Variants in SPDL1 observed in about 807,000 individuals in gnomAD.
The protein encoded by SPDL1 is spindle apparatus coiled-coil protein 1, also known as protein Spindly.
In SPDL1, 85 loss-of-function variants were observed where a neutral mutation model predicts 79.5. The ratio of observed to expected loss-of-function variants is 1.07; its 90% CI spans 0.90 to 1.28. SPDL1 has a LOEUF of 1.28. SPDL1 is among the 50% of genes most tolerant of loss of function. The pLI is 0.00. For missense variants in SPDL1, 703 were observed against 697.8 expected, an observed-to-expected ratio of 1.01 and a Z score of -0.08; for synonymous variants, 269 against 240.3, an observed-to-expected ratio of 1.12 and a Z score of -1.10.
At chr5:169,600,296 C>G (rs1252025865) in intron 10 of SPDL1, among the ~76,000 whole-genome samples, 3 of 152,230 alleles carry the variant, frequency 2.0e-5, no homozygotes, top group Non-Finnish European at 1.5e-5. Context: ...TTCTCTTGCT[C>G]TTAACTCTTT....
Position 169,594,458 on chromosome 5 carries a change from A to G in SPDL1, c.746A>G (p.Asp249Gly), listed in dbSNP as rs1382261997. Reference sequence around the variant, plus strand: ...GACCAGGCACTCCAGCAAGCCTTGGATCCCAATAGTAAAGGCAACTCTTTG... The same window carrying G: ...GACCAGGCACTCCAGCAAGCCTTGGGTCCCAATAGTAAAGGCAACTCTTTG... Reference protein sequence around the residue: ...QLDQALQQALDPNSKGNSLFA... With the variant: ...QLDQALQQALGPNSKGNSLFA... Residue 249 changes from aspartate to glycine, a missense_variant, in exon 6 of 12, where the codon GAT (aspartate) becomes GGT (glycine). Transcript: ENST00000265295. 1.2e-6 allele frequency: 2 copies of G among 1,614,012 alleles called. No homozygotes were observed. Among genetic ancestry groups the G allele is most frequent in the African/African-American group, 2.7e-5 (2 of 74,928 alleles).
Position 169,597,232 on chromosome 5 carries a change from TTGTGTGTGTG to T in SPDL1, c.1032+557_1032+566del, listed in dbSNP as rs56336716. On this transcript the variant is annotated intron_variant, in intron 8 of 11. Coordinates refer to ENST00000265295, the MANE Select transcript of SPDL1 (RefSeq NM_017785.5). Reference sequence around the variant, plus strand: ...TTGAGAATGGTATTTGTGTAAGCATTTGTGTGTGTGTGTGTGTGTGTGTGTGTGTGTGTGT... The same window carrying T: ...TTGAGAATGGTATTTGTGTAAGCATTTGTGTGTGTGTGTGTGTGTGTGTGT... 1.9e-3 allele frequency among the ~76,000 whole-genome samples: 282 copies of T among 149,168 alleles called. 1 individual carries two copies. The highest frequency in any genetic ancestry group is 6.9e-3 in the Middle Eastern group (2 of 288).
chr5:169,594,232 C>T lies in SPDL1; in HGVS notation c.619C>T (p.Arg207Trp), dbSNP rs146344218. ...TACTAACCTAATGCGCCAGGTAGAC[C>T]GGCTTAAAGAGGAAAAAGAGGAGCG... ...LITNLMRQVD[R>W]LKEEKEEREK... Residue 207 changes from arginine to tryptophan, a missense_variant, in exon 5 of 12, where the codon CGG becomes TGG. Physicochemically the swap from Arg to Trp is moderately radical, Grantham distance 101 (BLOSUM62 -3). Coordinates refer to ENST00000265295, the MANE Select transcript of SPDL1 (RefSeq NM_017785.5). The T allele has an allele frequency of 1.5e-4, 249 of 1,613,896 alleles. 1 individual carries two copies. The highest frequency in any genetic ancestry group is 1.2e-4 in the African/African-American group (9 of 75,012).
intron 3 of SPDL1, among the ~76,000 whole-genome samples, chr5:169,592,325 C>T (rs1755334751): frequency 1.4e-5 from 2 of 140,702 alleles, no homozygotes; most frequent in African/African-American, 5.3e-5. Context: ...TCAAACGATT[C>T]TCCTGCCTCA....
intron 11 of SPDL1, 153 bp downstream of exon 11, chr5:169,601,778 G>C: frequency 1.3e-6 from 1 of 771,122 alleles, no homozygotes; most frequent in African/African-American, 1.7e-5. Flanking sequence ...AACTTTTCCA[G>C]AACTTTAAGA....
chr5:169,585,577 C>T lies in SPDL1; in HGVS notation c.-24+1688C>T, dbSNP rs1754948331. ...ATTAGATGAGATAATATATTTGAAGCAGTTAGCATGGCAAATGGTAAATCC... is the reference window on the plus strand; with the variant it reads ...ATTAGATGAGATAATATATTTGAAGTAGTTAGCATGGCAAATGGTAAATCC... On this transcript the variant is annotated intron_variant, in intron 1 of 11. Coordinates refer to ENST00000265295, the MANE Select transcript of SPDL1 (RefSeq NM_017785.5). Among the ~76,000 whole-genome samples the T allele has an allele frequency of 1.3e-5, 2 of 152,154 alleles. 1 individual carries two copies. Among genetic ancestry groups the T allele is most frequent in the Admixed American group, 1.3e-4 (2 of 15,278 alleles).
chr5:169,584,901 T>C (rs1358824192), intron 1 of SPDL1, among the ~76,000 whole-genome samples: 1 of 151,974 alleles, frequency 6.6e-6, no homozygotes, highest in Non-Finnish European at 1.5e-5. Context: ...TCCCAGCTAC[T>C]CGGGAGGCTG....
chr5:169,585,016 C>CAAAAAA lies in SPDL1; in HGVS notation c.-24+1136_-24+1141dup, dbSNP rs11415643. ...TGGGCGACAGAGCGAGACTCCGTCTCAAAAAAAAAAAAAAGAATGTGTATA... is the reference window on the plus strand; with the variant it reads ...TGGGCGACAGAGCGAGACTCCGTCTCAAAAAAAAAAAAAAAAAAAAGAATGTGTATA... On this transcript the variant is annotated intron_variant, in intron 1 of 11. Coordinates refer to ENST00000265295, the MANE Select transcript of SPDL1 (RefSeq NM_017785.5). Among the ~76,000 whole-genome samples the CAAAAAA allele has an allele frequency of 2.6e-3, 359 of 138,254 alleles. 2 individuals are homozygous for CAAAAAA. The highest frequency in any genetic ancestry group is 8.6e-3 in the African/African-American group (315 of 36,840). The allele number at this position is 138,254 out of a possible 152,430, so 90.7% of individuals were successfully genotyped here. A position where few individuals can be genotyped will look rare whatever the true frequency, so the allele number is the denominator to read the frequency against.
chr5:169,603,221 A>T (rs967896955), intron 11 of SPDL1, among the ~76,000 whole-genome samples: 1 of 152,154 alleles, frequency 6.6e-6, no homozygotes, highest in East Asian at 1.9e-4. Flanking sequence ...AACAATAAAT[A>T]TGGCTTTTAT....
At chr5:169,603,492 T>C (rs1233848235) in intron 11 of SPDL1, among the ~76,000 whole-genome samples, 1 of 152,222 alleles carries the variant, frequency 6.6e-6, no homozygotes, top group African/African-American at 2.4e-5. Flanking sequence ...GTGCTTATCA[T>C]GATAGGTGCC....
At chr5:169,594,322 T>C (rs1304112405) in intron 5 of SPDL1, 28 bp downstream of exon 5, 12 of 1,612,564 alleles carry the variant, frequency 7.4e-6, no homozygotes, top group Non-Finnish European at 9.3e-6. Flanking sequence ...ACATCATGTT[T>C]TCCAATTTAT....
chr5:169,603,214 A>T (rs1435194059), intron 11 of SPDL1, among the ~76,000 whole-genome samples: 2 of 152,192 alleles, frequency 1.3e-5, no homozygotes, highest in African/African-American at 2.4e-5. Flanking sequence ...ATTTTGGAAC[A>T]ATAAATATGG....
Position 169,604,516 on chromosome 5 carries a change from C to T in SPDL1, c.*309C>T, listed in dbSNP as rs1189987236. 1 of 169,736 alleles carries T rather than the reference C, an allele frequency of 5.9e-6. No homozygotes were observed. Among genetic ancestry groups the T allele is most frequent in the Non-Finnish European group, 1.3e-5 (1 of 79,568 alleles). 10.5% of individuals were successfully genotyped at this position (169,736 alleles called of 1,614,324 possible). A position where few individuals can be genotyped will look rare whatever the true frequency, so the allele number is the denominator to read the frequency against. ...TAAATGATAAAAAACAAGTAATCTACCCTCAGAGCCATGTATTTGAGAATG... is the reference window on the plus strand; with the variant it reads ...TAAATGATAAAAAACAAGTAATCTATCCTCAGAGCCATGTATTTGAGAATG... On this transcript the variant is annotated 3_prime_UTR_variant, in exon 12 of 12. Transcript: ENST00000265295.
At chr5:169,603,979 A>G in intron 11 of SPDL1, 81 bp from the exon 12 acceptor site, 1 of 1,445,066 alleles carries the variant, frequency 6.9e-7, no homozygotes, top group Admixed American at 2.3e-5. Flanking sequence ...GCCTTATTGG[A>G]GGCCCATTAT....
Position 169,594,277 on chromosome 5 carries a change from T to TA in SPDL1, c.665dup (p.Tyr222Ter). 1 of 1,613,982 alleles carries TA rather than the reference T, an allele frequency of 6.2e-7. No individual in the cohort carries two copies. The highest frequency in any genetic ancestry group is 2.2e-5 in the East Asian group (1 of 44,880). ...GGAGCGAGAGAAAGAAGCAGTTTCTTACTATAATGCCCTAGAGGTACTATG... is the reference window on the plus strand; with the variant it reads ...GGAGCGAGAGAAAGAAGCAGTTTCTTAACTATAATGCCCTAGAGGTACTATG... The part of the protein sequence containing the change: ...KEEREKEAVS[Y>*]YNALEKARVA... The change falls in exon 5 of 12, where the codon TAC becomes TAAC. Residue 222 changes from tyrosine (Y) to a stop codon, truncating the protein, a stop_gained and frameshift_variant. Transcript: ENST00000265295. LOFTEE classifies it high-confidence loss of function.
Position 169,594,448 on chromosome 5 carries a change from C to T in SPDL1, c.736C>T (p.Gln246Ter). 3 of 1,614,118 alleles carry T rather than the reference C, an allele frequency of 1.9e-6. No homozygotes were observed. The highest frequency in any genetic ancestry group is 1.1e-5 in the South Asian group (1 of 91,082). The change falls in exon 6 of 12, where the codon CAA (glutamine) becomes TAA (stop). Residue 246 changes from glutamine to a stop codon, truncating the protein, a stop_gained. Transcript: ENST00000265295. LOFTEE classifies it high-confidence loss of function. ...GGTACAGTTGGACCAGGCACTCCAG[C>T]AAGCCTTGGATCCCAATAGTAAAGG... ...LQVQLDQALQ[Q>*]ALDPNSKGNS...
chr5:169,592,214 C>CTTTTTTTTTTTTT (rs397884840), intron 3 of SPDL1, among the ~76,000 whole-genome samples: 1 of 97,050 alleles, frequency 1.0e-5, no homozygotes, highest in Non-Finnish European at 1.9e-5. Flanking sequence ...TTTTTTTTTC[C>CTTTTTTTTTTTTT]TTTTTTTTTT....
chr5:169,598,618 C>T, intron 9 of SPDL1, 39 bp downstream of exon 9: 3 of 1,476,830 alleles, frequency 2.0e-6, no homozygotes, highest in Non-Finnish European at 2.8e-6. Context: ...ATGAACATGT[C>T]ACTTGCTTAC....
chr5:169,596,226 C>A, intron 7 of SPDL1: 1 of 180,110 alleles, frequency 5.6e-6, no homozygotes, highest in Non-Finnish European at 1.1e-5. Context: ...TTAATAAGAG[C>A]GAGTGCTTAT....
Sources: allele counts gnomAD v4.1 joint callset (sites outside exome capture counted in the v4.1 genomes callset), GRCh38; gene constraint gnomAD v4.1.1; transcripts MANE v1.5; gene names NCBI Gene and HGNC (gene_info 2026-07-23, HGNC 2026-07-21).